ROBO2: variants seen among roughly 807,000 people sequenced by gnomAD.
ROBO2 encodes roundabout guidance receptor 2.
A neutral mutation model predicts 160.8 loss-of-function variants in ROBO2; 53 were observed. The observed-to-expected ratio is 0.33, with a 90% confidence interval of 0.26 to 0.41. ROBO2 has a LOEUF of 0.41. Among genes scored for constraint, ROBO2 ranks in the 10% least tolerant of loss-of-function variants. The pLI is 1.00. For missense variants in ROBO2, 1,577 were observed against 1,722.4 expected, an observed-to-expected ratio of 0.92 and a Z score of 1.49; for synonymous variants, 664 against 611.7, an observed-to-expected ratio of 1.09 and a Z score of -1.26.
At chr3:77,451,881 G>A (rs113217565) in intron 2 of ROBO2, among the ~76,000 whole-genome samples, 8,305 of 151,648 alleles carry the variant, frequency 0.055, 673 homozygotes, top group African/African-American at 0.18. Flanking sequence ...CCATTAACTC[G>A]TCATTTACAT....
chr3:76,875,905 T>C (rs569050483), intron 2 of ROBO2, among the ~76,000 whole-genome samples: 1 of 152,252 alleles, frequency 6.6e-6, no homozygotes, highest in East Asian at 1.9e-4. Context: ...CTGCCTGCTT[T>C]GGCCTCCTAA....
chr3:76,357,125 A>G (rs2075218656), intron 2 of ROBO2, among the ~76,000 whole-genome samples: 1 of 151,848 alleles, frequency 6.6e-6, no homozygotes, highest in Admixed American at 6.6e-5. Context: ...TGAAGAGACA[A>G]TATTGTTAAA....
At chr3:76,398,946 A>G (rs374974609) in intron 2 of ROBO2, among the ~76,000 whole-genome samples, 2 of 151,820 alleles carry the variant, frequency 1.3e-5, no homozygotes, top group African/African-American at 2.4e-5. Context: ...ACAATAATCT[A>G]TTATCATCAT....
At chr3:76,225,569 G>T (rs2107441109) in intron 2 of ROBO2, among the ~76,000 whole-genome samples, 1 of 152,088 alleles carries the variant, frequency 6.6e-6, no homozygotes, top group Non-Finnish European at 1.5e-5. Context: ...CAAAAACTTA[G>T]CTGGGCATGG....
At chr3:76,578,692 A>G (rs372265752) in intron 2 of ROBO2, among the ~76,000 whole-genome samples, 1 of 151,992 alleles carries the variant, frequency 6.6e-6, no homozygotes, top group Non-Finnish European at 1.5e-5. Context: ...GTCTTAGCCC[A>G]GCAATCTCAT....
intron 2 of ROBO2, among the ~76,000 whole-genome samples, chr3:77,419,694 T>G (rs2077546343): frequency 6.6e-6 from 1 of 152,138 alleles, no homozygotes; most frequent in Non-Finnish European, 1.5e-5. Flanking sequence ...TTTGAAACCT[T>G]GCATTTGAGG....
At chr3:76,994,091 T>C (rs1405876763) in intron 2 of ROBO2, among the ~76,000 whole-genome samples, 1 of 98,354 alleles carries the variant, frequency 1.0e-5, no homozygotes, top group Non-Finnish European at 2.0e-5. Context: ...GCTTTTTTTG[T>C]TTTTTTTTTT....
chr3:77,515,297 T>A (rs2089892306), intron 5 of ROBO2, among the ~76,000 whole-genome samples: 1 of 151,802 alleles, frequency 6.6e-6, no homozygotes, highest in Admixed American at 6.6e-5. Context: ...GGAACAGTAG[T>A]GTCTGCATGG....
At chr3:76,308,315 T>G (rs1011884711) in intron 2 of ROBO2, among the ~76,000 whole-genome samples, 3 of 130,990 alleles carry the variant, frequency 2.3e-5, no homozygotes, top group African/African-American at 8.6e-5. Context: ...AAGCGGAGGT[T>G]GCAATAAGGC....
chr3:76,252,758 TACACACAC>T (rs113177987), intron 2 of ROBO2, among the ~76,000 whole-genome samples: 3,627 of 53,588 alleles, frequency 0.068, 58 homozygotes, highest in South Asian at 0.25. Flanking sequence ...TGTATATGTA[TACACACAC>T]ACACACACAC....
At chr3:76,838,218 T>C (rs1352759714) in intron 2 of ROBO2, among the ~76,000 whole-genome samples, 1 of 151,924 alleles carries the variant, frequency 6.6e-6, no homozygotes, top group Non-Finnish European at 1.5e-5. Context: ...CAACAGACAC[T>C]GGGGTTTACT....
At chr3:76,719,095 T>C (rs1339922827) in intron 2 of ROBO2, among the ~76,000 whole-genome samples, 1 of 152,218 alleles carries the variant, frequency 6.6e-6, no homozygotes, top group Non-Finnish European at 1.5e-5. Context: ...CCCTATTTTG[T>C]TAATTTTAGA....
intron 2 of ROBO2, among the ~76,000 whole-genome samples, chr3:77,381,393 T>C (rs1319927603): frequency 6.6e-6 from 1 of 152,062 alleles, no homozygotes; most frequent in Non-Finnish European, 1.5e-5. Context: ...CTAAAGTACC[T>C]AGGATGCCGT....
chr3:77,164,152 A>G (rs2078738197), intron 2 of ROBO2, among the ~76,000 whole-genome samples: 1 of 152,194 alleles, frequency 6.6e-6, no homozygotes, highest in Non-Finnish European at 1.5e-5. Flanking sequence ...AAAGGGTGCA[A>G]TTTATCTTTG....
intron 2 of ROBO2, among the ~76,000 whole-genome samples, chr3:76,568,372 A>G (rs1345259006): frequency 6.6e-6 from 1 of 151,914 alleles, no homozygotes; most frequent in Non-Finnish European, 1.5e-5. Flanking sequence ...ATCTCGGCTC[A>G]CTGCAAGCTC....
At chr3:77,263,675 C>G (rs2058928710) in intron 2 of ROBO2, among the ~76,000 whole-genome samples, 1 of 152,140 alleles carries the variant, frequency 6.6e-6, no homozygotes, top group Non-Finnish European at 1.5e-5. Context: ...TATGTGGATT[C>G]CATGTCTTTG....
intron 2 of ROBO2, among the ~76,000 whole-genome samples, chr3:77,204,483 A>G (rs1579952061): frequency 6.6e-6 from 1 of 152,174 alleles, no homozygotes; most frequent in East Asian, 1.9e-4. Context: ...ATTTATGGCA[A>G]GAGTTTTGTA....
chr3:76,244,413 A>G (rs1034357784), intron 2 of ROBO2, among the ~76,000 whole-genome samples: 11 of 152,200 alleles, frequency 7.2e-5, no homozygotes, highest in African/African-American at 2.7e-4. Context: ...GAAGGTGGAC[A>G]GGAGGTTTGA....
At chr3:77,263,394 C>A (rs1481228674) in intron 2 of ROBO2, among the ~76,000 whole-genome samples, 1 of 152,120 alleles carries the variant, frequency 6.6e-6, no homozygotes, top group Non-Finnish European at 1.5e-5. Flanking sequence ...TCCTGATCCT[C>A]TTCTTCCTCC....
Sources: allele counts gnomAD v4.1 joint callset (sites outside exome capture counted in the v4.1 genomes callset), GRCh38; gene constraint gnomAD v4.1.1; transcripts MANE v1.5; gene names NCBI Gene and HGNC (gene_info 2026-07-23, HGNC 2026-07-21).